The following SUV39H2 variants were observed in gnomAD, a reference collection of about 807,000 sequenced individuals.
SUV39H2 encodes the protein SUV39H2 histone lysine methyltransferase, also known as histone-lysine N-methyltransferase SUV39H2.
A neutral mutation model predicts 47.5 loss-of-function variants in SUV39H2; 10 were observed. The ratio of observed to expected loss-of-function variants is 0.21; its 90% CI spans 0.13 to 0.36. SUV39H2 has a LOEUF of 0.36. Among genes scored for constraint, SUV39H2 ranks in the 10% least tolerant of loss-of-function variants. The probability of loss-of-function intolerance (pLI) is 1.00; values close to 1 mark genes in which losing one functional copy is unlikely to be tolerated. For synonymous variants in SUV39H2, 159 were observed against 166.8 expected, an observed-to-expected ratio of 0.95 and a Z score of 0.36; for missense variants, 266 against 487.4, an observed-to-expected ratio of 0.55 and a Z score of 4.28.
At chr10:14,882,579 T>G (rs1833071432) in intron 2 of SUV39H2, among the ~76,000 whole-genome samples, 1 of 152,200 alleles carries the variant, frequency 6.6e-6, no homozygotes, top group South Asian at 2.1e-4. Flanking sequence ...ATCAGCCCCA[T>G]TATAACTTAT....
chr10:14,894,366 T>TG (rs1833494134), intron 2 of SUV39H2, among the ~76,000 whole-genome samples: 2 of 51,044 alleles, frequency 3.9e-5, no homozygotes, highest in East Asian at 6.7e-4. Context: ...TTTTTTTTTT[T>TG]TTTTTTTTTT....
chr10:14,894,360 T>TTG, intron 2 of SUV39H2, among the ~76,000 whole-genome samples: 1 of 86,104 alleles, frequency 1.2e-5, no homozygotes. Flanking sequence ...GCAAAGTTTT[T>TTG]TTTTTTTTTT....
chr10:14,892,310 C>CT (rs1222722871), intron 2 of SUV39H2, among the ~76,000 whole-genome samples: 2 of 152,164 alleles, frequency 1.3e-5, no homozygotes, highest in Admixed American at 1.3e-4. Flanking sequence ...TTTCTGAGAA[C>CT]TTTAAGAACC....
intron 5 of SUV39H2, 127 bp downstream of exon 5, chr10:14,901,389 T>A: frequency 7.8e-7 from 1 of 1,277,074 alleles, no homozygotes; most frequent in Non-Finnish European, 1.1e-6. Flanking sequence ...GCACTAAGTT[T>A]GTCATCCTAA....
At chr10:14,888,209 AT>A (rs1833274561) in intron 2 of SUV39H2, among the ~76,000 whole-genome samples, 1 of 152,194 alleles carries the variant, frequency 6.6e-6, no homozygotes, top group Non-Finnish European at 1.5e-5. Flanking sequence ...GCAAGAGGCG[AT>A]TGCAGTAGCC....
chr10:14,897,709 A>G (rs1178093786), intron 3 of SUV39H2, 192 bp downstream of exon 3: 3 of 406,854 alleles, frequency 7.4e-6, no homozygotes, highest in Non-Finnish European at 1.2e-5. Context: ...ATATGAATAA[A>G]AAATATACGT....
intron 2 of SUV39H2, among the ~76,000 whole-genome samples, chr10:14,892,460 A>AT (rs1833418173): frequency 6.6e-6 from 1 of 152,110 alleles, no homozygotes; most frequent in African/African-American, 2.4e-5. Context: ...TCTTTTCACT[A>AT]TTTTTTAGAT....
chr10:14,878,951 C>T (rs1832954506), intron 1 of SUV39H2, 32 bp downstream of exon 1: 4 of 1,441,352 alleles, frequency 2.8e-6, no homozygotes, highest in East Asian at 3.0e-5. Flanking sequence ...CTCGCCTTCC[C>T]TGTTCCCAGG....
intron 2 of SUV39H2, among the ~76,000 whole-genome samples, chr10:14,892,393 A>G (rs1833416261): frequency 6.6e-6 from 1 of 152,218 alleles, no homozygotes; most frequent in Non-Finnish European, 1.5e-5. Context: ...TTCTTGCCTT[A>G]CCATGACAAG....
intron 2 of SUV39H2, among the ~76,000 whole-genome samples, chr10:14,891,115 T>C (rs1236278625): frequency 1.3e-5 from 2 of 152,184 alleles, no homozygotes; most frequent in Non-Finnish European, 2.9e-5. Context: ...TCTTCTTGGG[T>C]ATGAGAGACA....
rs919860514 is a variant in SUV39H2, at chr10:14,898,202, C to CTTTTTTT, written c.849+707_849+713dup. The CTTTTTTT allele has an allele frequency of 1.5e-3, 87 of 56,146 alleles. 2 individuals are homozygous for CTTTTTTT. The highest frequency in any genetic ancestry group is 2.1e-3 in the African/African-American group (30 of 14,152). 3.5% of individuals were successfully genotyped at this position (56,146 alleles called of 1,614,324 possible). On this transcript the variant is annotated intron_variant, in intron 3 of 5. Coordinates refer to ENST00000354919, the MANE Select transcript of SUV39H2 (RefSeq NM_001193424.2). Reference sequence around the variant, plus strand: ...AAAACTCAGTGAGGTAGTACTGTTTCTTTTTTTTTTTTTTTTTTTTTTTTT... The same window carrying CTTTTTTT: ...AAAACTCAGTGAGGTAGTACTGTTTCTTTTTTTTTTTTTTTTTTTTTTTTTTTTTTTT...
chr10:14,886,503 G>A (rs534786560), intron 2 of SUV39H2, among the ~76,000 whole-genome samples: 1 of 152,252 alleles, frequency 6.6e-6, no homozygotes, highest in Admixed American at 6.5e-5. Context: ...GGTACAGAAC[G>A]GGTGTTTGGT....
chr10:14,903,047 A>G lies in SUV39H2; in HGVS notation c.*535A>G, dbSNP rs1391157964. 2.0e-5 allele frequency: 3 copies of G among 152,188 alleles called. No individual in the cohort carries two copies. The highest frequency in any genetic ancestry group is 7.2e-5 in the African/African-American group (3 of 41,472). 9.4% of individuals were successfully genotyped at this position (152,188 alleles called of 1,614,324 possible). Reference sequence around the variant, plus strand: ...TTTCCATTAAAACATTGGCACCTCAATGATAAAGAAATTTAAGGTATAAAA... The same window carrying G: ...TTTCCATTAAAACATTGGCACCTCAGTGATAAAGAAATTTAAGGTATAAAA... On this transcript the variant is annotated 3_prime_UTR_variant, in exon 6 of 6. Coordinates refer to ENST00000354919, the MANE Select transcript of SUV39H2 (RefSeq NM_001193424.2).
intron 1 of SUV39H2, among the ~76,000 whole-genome samples, chr10:14,879,468 G>A (rs1832976717): frequency 6.6e-6 from 1 of 152,266 alleles, no homozygotes; most frequent in South Asian, 2.1e-4. Flanking sequence ...CACGCTAGGA[G>A]GTTGAGTGCC....
intron 4 of SUV39H2, among the ~76,000 whole-genome samples, chr10:14,900,103 CAT>C (rs1201412606): frequency 6.6e-6 from 1 of 152,104 alleles, no homozygotes; most frequent in African/African-American, 2.4e-5. Context: ...AAAATGTAAA[CAT>C]GTTAACTTTT....
chr10:14,888,326 G>T (rs1230892188), intron 2 of SUV39H2, among the ~76,000 whole-genome samples: 1 of 152,140 alleles, frequency 6.6e-6, no homozygotes, highest in African/African-American at 2.4e-5. Context: ...ACACTGGCAA[G>T]AGAGGTAGTC....
chr10:14,884,206 G>C (rs1833135510), intron 2 of SUV39H2, among the ~76,000 whole-genome samples: 1 of 152,192 alleles, frequency 6.6e-6, no homozygotes, highest in Admixed American at 6.5e-5. Context: ...GAGTGGAATT[G>C]CTGGGTCATA....
At chr10:14,889,982 ATAGCT>A (rs778904818) in intron 2 of SUV39H2, among the ~76,000 whole-genome samples, 6 of 152,246 alleles carry the variant, frequency 3.9e-5, no homozygotes, top group Non-Finnish European at 2.9e-5. Context: ...GGACATGCAC[ATAGCT>A]TAGTAAGCTG....
Position 14,895,180 on chromosome 10 carries a change from A to AT in SUV39H2, c.178-1652dup, listed in dbSNP as rs61175237. Among the ~76,000 whole-genome samples the AT allele has an allele frequency of 5.5e-3, 774 of 139,674 alleles. 2 individuals are homozygous for AT. The highest frequency in any genetic ancestry group is 0.02 in the Middle Eastern group (5 of 256). 91.6% of individuals were successfully genotyped at this position (139,674 alleles called of 152,430 possible). ...TTTTTATCTTTTATTTTTTACTTTT[A>AT]TTTTTTTTTTTTTTGACATGGAGTC... On this transcript the variant is annotated intron_variant, in intron 2 of 5. Coordinates refer to ENST00000354919, the MANE Select transcript of SUV39H2 (RefSeq NM_001193424.2).
Sources: allele counts gnomAD v4.1 joint callset (sites outside exome capture counted in the v4.1 genomes callset), GRCh38; gene constraint gnomAD v4.1.1; transcripts MANE v1.5; gene names NCBI Gene and HGNC (gene_info 2026-07-23, HGNC 2026-07-21).